The following GRIA1 variants were observed in gnomAD, a reference collection of about 807,000 sequenced individuals.
GRIA1 encodes the protein glutamate receptor 1.
In GRIA1, 31 loss-of-function variants were observed where a neutral mutation model predicts 99.2. That is an observed-to-expected ratio of 0.31 (90% CI 0.23 to 0.42). The LOEUF (loss-of-function observed/expected upper bound fraction) is 0.42, where lower values mean the gene tolerates loss of function less well. Among genes scored for constraint, GRIA1 ranks in the 10% least tolerant of loss-of-function variants. The pLI, the probability that GRIA1 is intolerant of heterozygous loss-of-function variation, is 1.00. For missense variants in GRIA1, 782 were observed against 1,157.5 expected (o/e 0.68, Z 4.71); for synonymous variants, 438 against 432.4 (o/e 1.01, Z -0.16).
chr5:153,589,675 G>A (rs887962844), intron 2 of GRIA1, among the ~76,000 whole-genome samples: 1 of 152,088 alleles, frequency 6.6e-6, no homozygotes, highest in Non-Finnish European at 1.5e-5. Flanking sequence ...TATTGCCAGA[G>A]GTTCAGAGTC....
chr5:153,631,020 A>G (rs1752922224), intron 2 of GRIA1, among the ~76,000 whole-genome samples: 1 of 152,192 alleles, frequency 6.6e-6, no homozygotes, highest in African/African-American at 2.4e-5. Flanking sequence ...GAGGAAACAA[A>G]AGCTCTTCAT....
chr5:153,770,102 A>G, intron 12 of GRIA1, 66 bp from the exon 13 acceptor site: 1 of 1,541,428 alleles, frequency 6.5e-7, no homozygotes, highest in Non-Finnish European at 8.9e-7. Context: ...TCAGCTCTTC[A>G]TTAATGTGTG....
At position 153,700,761 on chromosome 5, in the gene GRIA1, A is replaced by G. The variant is rs11952055; in HGVS notation, c.1452+1688A>G. 7.8e-3 allele frequency among the ~76,000 whole-genome samples: 1,194 copies of G among 152,308 alleles called. 17 individuals are homozygous for G. The highest frequency in any genetic ancestry group is 0.027 in the African/African-American group (1,118 of 41,556). On this transcript the variant is annotated intron_variant, in intron 10 of 15. Coordinates refer to ENST00000285900, the MANE Select transcript of GRIA1 (RefSeq NM_000827.4). Reference sequence around the variant, plus strand: ...TCATAAGGACAAGCAGCCACTGAGGAAGATGATAAATCTTGTTTCATATCA... The same window carrying G: ...TCATAAGGACAAGCAGCCACTGAGGGAGATGATAAATCTTGTTTCATATCA...
chr5:153,551,348 T>C (rs138576229), intron 2 of GRIA1, among the ~76,000 whole-genome samples: 1 of 113,424 alleles, frequency 8.8e-6, no homozygotes, highest in African/African-American at 2.7e-5. Flanking sequence ...CTTTTTACAG[T>C]TTTTTTTGTT....
In GRIA1 at chr5:153,493,977, T is replaced by C. The variant is rs939083658; in HGVS notation, c.132T>C (p.Phe44=). 6.2e-7 allele frequency: 1 copy of C among 1,614,134 alleles called. No homozygotes were observed. The highest frequency in any genetic ancestry group is 1.7e-5 in the Admixed American group (1 of 60,032). The change falls in exon 2 of 16, where the codon TTT becomes TTC. Residue 44 remains phenylalanine, a synonymous_variant. Transcript: ENST00000285900. ...CACAGGAACATGCTGCTTTTAGATT[T>C]GCTTTGTCGCAACTCACAGAGCCCC... ...QQSQEHAAFR[F]ALSQLTEPPK... is the part of the protein sequence containing the mutation.
intron 5 of GRIA1, among the ~76,000 whole-genome samples, chr5:153,660,756 CA>C (rs1179921540): frequency 1.3e-5 from 2 of 152,208 alleles, no homozygotes; most frequent in African/African-American, 4.8e-5. Context: ...TCTACAGACA[CA>C]CCACAGAGGT....
intron 10 of GRIA1, among the ~76,000 whole-genome samples, chr5:153,703,457 G>A (rs961469088): frequency 3.3e-5 from 5 of 152,110 alleles, no homozygotes; most frequent in African/African-American, 4.8e-5. Flanking sequence ...AGGACAATAC[G>A]GAACAGGCTG....
chr5:153,626,809 A>G (rs1031670205), intron 2 of GRIA1, among the ~76,000 whole-genome samples: 1 of 152,138 alleles, frequency 6.6e-6, no homozygotes, highest in African/African-American at 2.4e-5. Flanking sequence ...AGCAGAAGGG[A>G]TGCAGCGTGG....
At chr5:153,768,455 C>G (rs1763662170) in intron 12 of GRIA1, among the ~76,000 whole-genome samples, 1 of 152,132 alleles carries the variant, frequency 6.6e-6, no homozygotes, top group Non-Finnish European at 1.5e-5. Context: ...ATCCAGGGCT[C>G]CTCACAGCCA....
chr5:153,528,132 G>C (rs1757775351), intron 2 of GRIA1, among the ~76,000 whole-genome samples: 1 of 151,412 alleles, frequency 6.6e-6, no homozygotes, highest in South Asian at 2.1e-4. Context: ...ATTGTGTAGA[G>C]TGGACTATGT....
chr5:153,667,550 A>T (rs1581432975), intron 5 of GRIA1, among the ~76,000 whole-genome samples: 2 of 152,308 alleles, frequency 1.3e-5, no homozygotes, highest in East Asian at 3.9e-4. Flanking sequence ...ATAATAGCTA[A>T]CATTCATTAA....
At chr5:153,742,860 T>A (rs1473224927) in intron 11 of GRIA1, among the ~76,000 whole-genome samples, 2 of 152,250 alleles carry the variant, frequency 1.3e-5, no homozygotes, top group African/African-American at 4.8e-5. Context: ...AATCTTCCTA[T>A]TTTAAGATCC....
intron 5 of GRIA1, among the ~76,000 whole-genome samples, chr5:153,664,129 C>G (rs368644880): frequency 1.4e-4 from 22 of 152,276 alleles, no homozygotes; most frequent in African/African-American, 5.3e-4. Flanking sequence ...ACCTATCCCT[C>G]TTTTTAAGAC....
intron 11 of GRIA1, among the ~76,000 whole-genome samples, chr5:153,750,409 T>G (rs755021250): frequency 6.6e-6 from 1 of 152,172 alleles, no homozygotes; most frequent in Non-Finnish European, 1.5e-5. Context: ...TGAGCTCAGT[T>G]GAATGAAGGC....
intron 1 of GRIA1, chr5:153,492,200 T>C (rs1430076097): frequency 2.0e-6 from 3 of 1,531,052 alleles, no homozygotes; most frequent in African/African-American, 2.8e-5. Flanking sequence ...CGGGCATACA[T>C]GTGCTGCAGT....
intron 7 of GRIA1, among the ~76,000 whole-genome samples, chr5:153,683,682 C>T (rs1003311673): frequency 1.3e-5 from 2 of 152,220 alleles, no homozygotes; most frequent in African/African-American, 2.4e-5. Flanking sequence ...AGACAACCTA[C>T]CAGCCCCAAG....
chr5:153,753,750 C>A (rs1405065995), intron 11 of GRIA1, among the ~76,000 whole-genome samples: 1 of 151,296 alleles, frequency 6.6e-6, no homozygotes, highest in East Asian at 1.9e-4. Flanking sequence ...AAAAGCCATG[C>A]CAAGTTGCAA....
chr5:153,601,087 T>TG (rs965148560), intron 2 of GRIA1, among the ~76,000 whole-genome samples: 8 of 152,216 alleles, frequency 5.3e-5, no homozygotes, highest in African/African-American at 1.9e-4. Flanking sequence ...ATTCATTCGC[T>TG]GGATGAACAG....
intron 4 of GRIA1, among the ~76,000 whole-genome samples, chr5:153,653,076 C>T (rs1254555247): frequency 1.3e-5 from 2 of 152,178 alleles, no homozygotes; most frequent in Admixed American, 6.6e-5. Context: ...CTAAGCTCGA[C>T]GATGCCAGGG....
Sources: allele counts gnomAD v4.1 joint callset (sites outside exome capture counted in the v4.1 genomes callset), GRCh38; gene constraint gnomAD v4.1.1; transcripts MANE v1.5; gene names NCBI Gene and HGNC (gene_info 2026-07-23, HGNC 2026-07-21).